FBXO11: variants seen among roughly 807,000 people sequenced by gnomAD.
FBXO11 encodes F-box protein 11, also known as F-box only protein 11.
In FBXO11, 13 loss-of-function variants were observed where a neutral mutation model predicts 117.0. The ratio of observed to expected loss-of-function variants is 0.11; its 90% CI spans 0.07 to 0.18. FBXO11 has a LOEUF of 0.18. FBXO11 is among the 10% of genes least tolerant of loss of function. The pLI, the probability that FBXO11 is intolerant of heterozygous loss-of-function variation, is 1.00. For missense variants in FBXO11, 767 were observed against 1,164.4 expected (o/e 0.66, Z 4.97); for synonymous variants, 490 against 380.5 (o/e 1.29, Z -3.35).
intron 16 of FBXO11, among the ~76,000 whole-genome samples, chr2:47,816,198 G>C (rs1670992840): frequency 6.6e-6 from 1 of 151,968 alleles, no homozygotes; most frequent in Non-Finnish European, 1.5e-5. Flanking sequence ...TCTGTTTTTT[G>C]AGACAGGGTC....
intron 11 of FBXO11, among the ~76,000 whole-genome samples, chr2:47,832,116 C>CT (rs1672239042): frequency 6.6e-6 from 1 of 152,116 alleles, no homozygotes; most frequent in Non-Finnish European, 1.5e-5. Context: ...CCTTACTCCC[C>CT]TCAAAGATCA....
At chr2:47,860,568 G>T (rs1292337631) in intron 1 of FBXO11, among the ~76,000 whole-genome samples, 1 of 151,796 alleles carries the variant, frequency 6.6e-6, no homozygotes, top group Non-Finnish European at 1.5e-5. Flanking sequence ...ATGCCACCAC[G>T]CCCAGCTAAT....
At position 47,900,645 on chromosome 2, in the gene FBXO11, TACACACGTATAC is replaced by T. The variant is rs1558486653; in HGVS notation, c.232+4832_232+4843del. On this transcript the variant is annotated intron_variant, in intron 1 of 22. Coordinates refer to ENST00000403359, the MANE Select transcript of FBXO11 (RefSeq NM_001190274.2). ...ACACGTATACACACACGTACGTATA[TACACACGTATAC>T]ACACACGTACGTATATACACACGTA... is the stretch of plus-strand genomic sequence containing the variant. 4.5e-4 allele frequency among the ~76,000 whole-genome samples: 35 copies of T among 78,368 alleles called. 2 individuals carry two copies. Among genetic ancestry groups the T allele is most frequent in the African/African-American group, 1.0e-3 (26 of 25,786 alleles). The allele number at this position is 78,368 out of a possible 152,430, so 51.4% of individuals were successfully genotyped here.
At chr2:47,874,283 T>C (rs1262376640) in intron 1 of FBXO11, among the ~76,000 whole-genome samples, 1 of 152,090 alleles carries the variant, frequency 6.6e-6, no homozygotes, top group Non-Finnish European at 1.5e-5. Context: ...TATATTTCTA[T>C]TTTGTTGTGT....
At chr2:47,897,410 C>T (rs1380013806) in intron 1 of FBXO11, among the ~76,000 whole-genome samples, 1 of 152,254 alleles carries the variant, frequency 6.6e-6, no homozygotes, top group South Asian at 2.1e-4. Flanking sequence ...TAAAGAAAAA[C>T]TTCTGGTCGG....
At chr2:47,884,581 C>T (rs568431751) in intron 1 of FBXO11, among the ~76,000 whole-genome samples, 50 of 152,238 alleles carry the variant, frequency 3.3e-4, no homozygotes, top group South Asian at 1.5e-3. Flanking sequence ...TACATTCATT[C>T]GGAAAGTATG....
At chr2:47,891,358 C>T (rs1266648672) in intron 1 of FBXO11, among the ~76,000 whole-genome samples, 4 of 152,130 alleles carry the variant, frequency 2.6e-5, no homozygotes, top group Admixed American at 6.6e-5. Flanking sequence ...TTTCAGATAA[C>T]TTCATTTAAG....
chr2:47,831,911 A>C (rs1431191808), intron 11 of FBXO11, among the ~76,000 whole-genome samples: 1 of 152,212 alleles, frequency 6.6e-6, no homozygotes, highest in Non-Finnish European at 1.5e-5. Context: ...ATAACAATGA[A>C]ACCATTATTT....
At chr2:47,880,711 A>C (rs1227285569) in intron 1 of FBXO11, among the ~76,000 whole-genome samples, 2 of 152,240 alleles carry the variant, frequency 1.3e-5, no homozygotes, top group South Asian at 2.1e-4. Context: ...CCTTTAAGAA[A>C]TAAGTGCCAC....
In FBXO11 at chr2:47,905,758, A is replaced by T. The variant is rs1211556796; in HGVS notation, c.-38T>A. 7.7e-7 allele frequency: 1 copy of T among 1,305,122 alleles called. No homozygotes were observed. The highest frequency in any genetic ancestry group is 1.2e-5 in the South Asian group (1 of 80,822). 80.8% of individuals were successfully genotyped at this position (1,305,122 alleles called of 1,614,324 possible). A position where few individuals can be genotyped will look rare whatever the true frequency, so the allele number is the denominator to read the frequency against. On this transcript the variant is annotated 5_prime_UTR_variant, in exon 1 of 23. Coordinates refer to ENST00000403359, the MANE Select transcript of FBXO11 (RefSeq NM_001190274.2). ...GGTGGCGGCGTTGGCGGAGGGACAC[A>T]CACACGCACACGCACAGCGAGCTTC...
At chr2:47,884,334 T>G (rs1676656447) in intron 1 of FBXO11, among the ~76,000 whole-genome samples, 1 of 152,228 alleles carries the variant, frequency 6.6e-6, no homozygotes, top group Non-Finnish European at 1.5e-5. Flanking sequence ...TATAATCAGG[T>G]ACTTCGCCAC....
chr2:47,839,714 A>G lies in FBXO11; in HGVS notation c.288T>C (p.Asn96=), dbSNP rs759808638. The change falls in exon 2 of 23, where the codon AAT becomes AAC. Residue 96 remains asparagine, a synonymous_variant. Coordinates refer to ENST00000403359, the MANE Select transcript of FBXO11 (RefSeq NM_001190274.2). The part of the protein sequence containing the change: ...VAEESGPGAQ[N]SPYQLRRKTL... ...TTTTTCTACGAAGTTGGTATGGACT[A>G]TTTTGTGCACCAGGACCTGATTCTT... 5.0e-6 allele frequency: 8 copies of G among 1,614,122 alleles called. No homozygotes were observed. Among genetic ancestry groups the G allele is most frequent in the Middle Eastern group, 1.6e-4 (1 of 6,062 alleles).
At chr2:47,874,046 C>G (rs1037990264) in intron 1 of FBXO11, among the ~76,000 whole-genome samples, 2 of 151,956 alleles carry the variant, frequency 1.3e-5, no homozygotes, top group African/African-American at 4.8e-5. Context: ...AACCCCGTCT[C>G]TACTAAAAAG....
Position 47,847,061 on chromosome 2 carries a change from T to C in FBXO11, c.233-7292A>G, listed in dbSNP as rs1454135889. Among the ~76,000 whole-genome samples, 4 of 152,098 alleles carry C rather than the reference T, an allele frequency of 2.6e-5. No individual in the cohort carries two copies. In the East Asian group the frequency reaches 5.8e-4, roughly 22 times the overall value. On this transcript the variant is annotated intron_variant, in intron 1 of 22. Coordinates refer to ENST00000403359, the MANE Select transcript of FBXO11 (RefSeq NM_001190274.2). ...GAGTTCAAGACCAGCCTGGCCAACA[T>C]GGTGAAACCCTATCTCTACTAAAAA...
intron 4 of FBXO11, among the ~76,000 whole-genome samples, chr2:47,837,625 T>C (rs1672685751): frequency 6.6e-6 from 1 of 152,258 alleles, no homozygotes; most frequent in African/African-American, 2.4e-5. Flanking sequence ...TAAAGAACTA[T>C]AGTTTCAATA....
chr2:47,820,147 AG>A (rs1671280579), intron 14 of FBXO11, among the ~76,000 whole-genome samples: 1 of 152,250 alleles, frequency 6.6e-6, no homozygotes, highest in Non-Finnish European at 1.5e-5. Context: ...TCAGCTGCTG[AG>A]TAAATTTTAC....
At chr2:47,896,214 C>T (rs1677652473) in intron 1 of FBXO11, among the ~76,000 whole-genome samples, 1 of 152,050 alleles carries the variant, frequency 6.6e-6, no homozygotes, top group South Asian at 2.1e-4. Context: ...AAGAAATAAA[C>T]ACGTAATGTT....
At chr2:47,901,042 T>C (rs1299607845) in intron 1 of FBXO11, among the ~76,000 whole-genome samples, 2 of 137,024 alleles carry the variant, frequency 1.5e-5, no homozygotes, top group African/African-American at 2.6e-5. Flanking sequence ...CACACGTGTG[T>C]ACATATATAC....
At chr2:47,845,590 C>G (rs2104911288) in intron 1 of FBXO11, among the ~76,000 whole-genome samples, 1 of 152,300 alleles carries the variant, frequency 6.6e-6, no homozygotes, top group African/African-American at 2.4e-5. Flanking sequence ...TTCGCTTCAT[C>G]TTTTGAACTC....
Sources: allele counts gnomAD v4.1 joint callset (sites outside exome capture counted in the v4.1 genomes callset), GRCh38; gene constraint gnomAD v4.1.1; transcripts MANE v1.5; gene names NCBI Gene and HGNC (gene_info 2026-07-23, HGNC 2026-07-21).